PRR5: variants seen among roughly 807,000 people sequenced by gnomAD.
The protein encoded by PRR5 is proline rich 5.
A neutral mutation model predicts 30.6 loss-of-function variants in PRR5; 25 were observed. The ratio of observed to expected loss-of-function variants is 0.82; its 90% CI spans 0.60 to 1.14. PRR5 has a LOEUF of 1.14. PRR5 is among the 50% of genes most tolerant of loss of function. The pLI is 0.00. For missense variants in PRR5, 600 were observed against 547.1 expected, an observed-to-expected ratio of 1.10 and a Z score of -0.96; for synonymous variants, 286 against 247.1, an observed-to-expected ratio of 1.16 and a Z score of -1.48.
upstream of PRR5, among the ~76,000 whole-genome samples, chr22:44,698,571 C>G (rs1925975312): frequency 6.6e-6 from 1 of 152,182 alleles, no homozygotes; most frequent in Non-Finnish European, 1.5e-5. Flanking sequence ...GCCCCCTCCT[C>G]AGACCCAGAA....
upstream of PRR5, among the ~76,000 whole-genome samples, chr22:44,701,168 C>T (rs569786976): frequency 1.3e-5 from 2 of 152,324 alleles, no homozygotes; most frequent in African/African-American, 4.8e-5. Flanking sequence ...AGGCATGAGC[C>T]ATCACCTCTC....
intron 1 of PRR5, among the ~76,000 whole-genome samples, chr22:44,689,189 A>G (rs1037705480): frequency 1.3e-5 from 2 of 152,132 alleles, no homozygotes; most frequent in Non-Finnish European, 2.9e-5. Context: ...AGACAATATA[A>G]TAATAACCCT....
At chr22:44,672,917 C>T (rs1923507470), upstream of PRR5, among the ~76,000 whole-genome samples, 1 of 152,234 alleles carries the variant, frequency 6.6e-6, no homozygotes, top group Admixed American at 6.5e-5. Flanking sequence ...GGTCTGCATG[C>T]TCCACCCCAC....
chr22:44,735,027 G>T lies in PRR5; in HGVS notation c.556G>T (p.Gly186Trp). ...TACCCCCTGCCCCACTCTCCTGCAGGGGGTACATGAGTCCAGGGGCGTGAC... is the reference window on the plus strand; with the variant it reads ...TACCCCCTGCCCCACTCTCCTGCAGTGGGTACATGAGTCCAGGGGCGTGAC... ...AIVQMLLVLQ[G>W]VHESRGVTED... The change falls in exon 7 of 8, where the codon GGG becomes TGG. Residue 186 changes from glycine (G) to tryptophan (W), a missense_variant and splice_region_variant. Gly to Trp is a radical substitution (Grantham distance 184, BLOSUM62 -2). Transcript: ENST00000336985. The T allele has an allele frequency of 6.2e-7, 1 of 1,612,266 alleles. No homozygotes were observed. The highest frequency in any genetic ancestry group is 2.2e-5 in the East Asian group (1 of 44,866).
rs1372580593 is a variant in PRR5, at chr22:44,732,334, G to A, written c.498G>A (p.Leu166=). 4 of 1,612,202 alleles carry A rather than the reference G, an allele frequency of 2.5e-6. No individual in the cohort carries two copies. The South Asian group carries it at 4.4e-5, about 18-fold the overall frequency. Reference sequence around the variant, plus strand: ...TCAGTGTGAAGCTAGAGGATGCGCTGGCCCGGGCCCATGCCCGTGTGCCCC... The same window carrying A: ...TCAGTGTGAAGCTAGAGGATGCGCTAGCCCGGGCCCATGCCCGTGTGCCCC... ...ITLSVKLEDA[L]ARAHARVPPA... Residue 166 remains leucine (L), a synonymous_variant, in exon 6 of 8, where the codon CTG becomes CTA. Coordinates refer to ENST00000336985, the MANE Select transcript of PRR5 (RefSeq NM_181333.4).
chr22:44,676,573 T>G (rs2146931664), upstream of PRR5, among the ~76,000 whole-genome samples: 2 of 149,916 alleles, frequency 1.3e-5, no homozygotes, highest in Admixed American at 6.6e-5. Flanking sequence ...GGATGGGGGG[T>G]TCGACTGGGC....
chr22:44,737,524 C>G lies in PRR5; in HGVS notation c.*277C>G. ...CGCTCGCTCCCACGCTCCTCCTGCC[C>G]CAGCCCTCTGGTGTCCACACCTGCC... On this transcript the variant is annotated 3_prime_UTR_variant, in exon 8 of 8. Coordinates refer to ENST00000336985, the MANE Select transcript of PRR5 (RefSeq NM_181333.4). 1.9e-6 allele frequency: 1 copy of G among 520,806 alleles called. No individual in the cohort carries two copies. Among genetic ancestry groups the G allele is most frequent in the Non-Finnish European group, 3.2e-6 (1 of 309,994 alleles). The allele number at this position is 520,806 out of a possible 1,614,324, so 32.3% of individuals were successfully genotyped here.
At chr22:44,731,640 C>T (rs553882669) in intron 4 of PRR5, 90 bp from the exon 5 acceptor site, 8 of 1,348,662 alleles carry the variant, frequency 5.9e-6, no homozygotes, top group African/African-American at 2.9e-5. Flanking sequence ...AGGCCCTCCA[C>T]TCCCGCATCC....
intron 1 of PRR5, among the ~76,000 whole-genome samples, 182 bp downstream of exon 1, chr22:44,702,790 G>T (rs1295306788): frequency 6.6e-6 from 1 of 152,166 alleles, no homozygotes; most frequent in Non-Finnish European, 1.5e-5. Context: ...GTTCAGTGCA[G>T]CGTGGTTCCA....
At chr22:44,688,351 T>C (rs1924942706) in intron 1 of PRR5, among the ~76,000 whole-genome samples, 1 of 152,076 alleles carries the variant, frequency 6.6e-6, no homozygotes, top group African/African-American at 2.4e-5. Context: ...ACCACTGCAT[T>C]CCAGCCTGGG....
chr22:44,727,886 G>C (rs1306431715), intron 4 of PRR5, among the ~76,000 whole-genome samples: 1 of 152,234 alleles, frequency 6.6e-6, no homozygotes, highest in Non-Finnish European at 1.5e-5. Flanking sequence ...GGGAGACATG[G>C]GGGTTCTGGG....
Position 44,711,979 on chromosome 22 carries a change from T to C in PRR5, c.135-2612T>C, listed in dbSNP as rs145767706. 5.3e-5 allele frequency among the ~76,000 whole-genome samples: 8 copies of C among 152,222 alleles called. No homozygotes were observed. The East Asian group carries it at 1.6e-3, about 30-fold the overall frequency. Reference sequence around the variant, plus strand: ...GACTTCCCTCGGGATTTTCAACTTTTTTTAGTCTGAAAATGGGGGCAGGGG... The same window carrying C: ...GACTTCCCTCGGGATTTTCAACTTTCTTTAGTCTGAAAATGGGGGCAGGGG... On this transcript the variant is annotated intron_variant, in intron 1 of 7. Transcript: ENST00000336985.
chr22:44,720,448 C>T (rs968061463), intron 2 of PRR5, among the ~76,000 whole-genome samples: 5 of 152,180 alleles, frequency 3.3e-5, no homozygotes, highest in Non-Finnish European at 7.3e-5. Flanking sequence ...ACATGGTTCC[C>T]ATCTTGTAGG....
At chr22:44,678,847 C>T (rs1924006365) in intron 1 of PRR5, among the ~76,000 whole-genome samples, 1 of 152,206 alleles carries the variant, frequency 6.6e-6, no homozygotes, top group Admixed American at 6.5e-5. Context: ...TCCCAGGGCT[C>T]AGCTGGGGGC....
rs558295511 is a variant in PRR5 at position 44,737,055 on chromosome 22, G to T, written c.975G>T (p.Thr325=). Residue 325 remains threonine (T), a synonymous_variant, in exon 8 of 8, where the codon ACG becomes ACT. Transcript: ENST00000336985. Reference sequence around the variant, plus strand: ...CCTGCCCCAGCAGACTGTACCCCACGACCCAGCCCCCTGAGCAGGGCTTGG... The same window carrying T: ...CCTGCCCCAGCAGACTGTACCCCACTACCCAGCCCCCTGAGCAGGGCTTGG... The part of the protein sequence containing the change: ...SGPCPSRLYP[T]TQPPEQGLDP... The T allele has an allele frequency of 1.2e-6, 2 of 1,607,850 alleles. No homozygotes were observed. The highest frequency in any genetic ancestry group is 8.5e-7 in the Non-Finnish European group (1 of 1,177,968).
At position 44,725,073 on chromosome 22, in the gene PRR5, G is replaced by C. The variant is rs370453693; in HGVS notation, c.216-171G>C. On this transcript the variant is annotated intron_variant, in intron 2 of 7. Transcript: ENST00000336985. ...CCATGGAGGCCCCGGTTGTGTGGCC[G>C]ACCCAGCCCCTGCAGGTCTGGACAG... Among the ~76,000 whole-genome samples, 4 of 152,272 alleles carry C rather than the reference G, an allele frequency of 2.6e-5. No individual in the cohort carries two copies. The East Asian group carries it at 7.7e-4, about 29-fold the overall frequency.
chr22:44,702,293 CGGCGCGGGACCCGAGACGGA>C lies in PRR5; in HGVS notation c.-173_-154del, dbSNP rs1356635253. ...GCAATGATTAACCCGGCGGGGCGGC[CGGCGCGGGACCCGAGACGGA>C]GGCGCGGGGCCGGGGCGGGACCCCG... On this transcript the variant is annotated 5_prime_UTR_variant, in exon 1 of 8. An upstream open reading frame in the 5' UTR loses its in-frame stop. Coordinates refer to ENST00000336985, the MANE Select transcript of PRR5 (RefSeq NM_181333.4). The C allele has an allele frequency of 2.2e-5, 25 of 1,146,940 alleles. No homozygotes were observed. The highest frequency in any genetic ancestry group is 1.6e-4 in the East Asian group (4 of 25,352). The allele number at this position is 1,146,940 out of a possible 1,614,324, so 71.0% of individuals were successfully genotyped here. A position where few individuals can be genotyped will look rare whatever the true frequency, so the allele number is the denominator to read the frequency against.
chr22:44,726,538 C>T (rs368406065), intron 3 of PRR5, 39 bp from the exon 4 acceptor site: 133 of 1,613,550 alleles, frequency 8.2e-5, no homozygotes, highest in Non-Finnish European at 1.1e-4. Flanking sequence ...CCCCGGGCAT[C>T]CACAAGGGCG....
intron 1 of PRR5, among the ~76,000 whole-genome samples, chr22:44,706,204 T>G (rs1225215257): frequency 6.6e-6 from 1 of 152,210 alleles, no homozygotes; most frequent in African/African-American, 2.4e-5. Context: ...AAAGACCCTA[T>G]TTCCATCAAG....
Sources: allele counts gnomAD v4.1 joint callset (sites outside exome capture counted in the v4.1 genomes callset), GRCh38; gene constraint gnomAD v4.1.1; transcripts MANE v1.5; gene names NCBI Gene and HGNC (gene_info 2026-07-23, HGNC 2026-07-21).